GABBR2: variants seen among roughly 807,000 people sequenced by gnomAD.
GABBR2 encodes gamma-aminobutyric acid type B receptor subunit 2, also known as G-protein coupled receptor 51.
In GABBR2, 23 loss-of-function variants were observed where a neutral mutation model predicts 105.6. The observed-to-expected ratio is 0.22, with a 90% CI of 0.16 to 0.31. The LOEUF (loss-of-function observed/expected upper bound fraction) is 0.31, where lower values mean the gene tolerates loss of function less well. Among genes scored for constraint, GABBR2 ranks in the 10% least tolerant of loss-of-function variants. The pLI is 1.00. For synonymous variants in GABBR2, 478 were observed against 499.7 expected, an observed-to-expected ratio of 0.96 and a Z score of 0.58; for missense variants, 734 against 1,245.5, an observed-to-expected ratio of 0.59 and a Z score of 6.18.
At chr9:98,401,897 C>T (rs1008094577) in intron 8 of GABBR2, among the ~76,000 whole-genome samples, 4 of 152,152 alleles carry the variant, frequency 2.6e-5, no homozygotes, top group African/African-American at 4.8e-5. Context: ...CTTGGTAAAG[C>T]GCCTGGCAGA....
At chr9:98,422,421 G>A (rs1233414757) in intron 7 of GABBR2, among the ~76,000 whole-genome samples, 1 of 151,968 alleles carries the variant, frequency 6.6e-6, no homozygotes, top group Non-Finnish European at 1.5e-5. Flanking sequence ...TATACTCTTT[G>A]ACCCAGAATT....
intron 2 of GABBR2, among the ~76,000 whole-genome samples, chr9:98,550,803 T>C (rs1424871181): frequency 6.6e-6 from 1 of 152,204 alleles, no homozygotes; most frequent in Non-Finnish European, 1.5e-5. Flanking sequence ...TACAGATGCA[T>C]AAAGTCCCCT....
intron 7 of GABBR2, among the ~76,000 whole-genome samples, chr9:98,411,715 C>T (rs559545539): frequency 1.3e-5 from 2 of 152,230 alleles, no homozygotes; most frequent in South Asian, 4.2e-4. Flanking sequence ...GTGCTTGTCA[C>T]CACAACCAGC....
intron 7 of GABBR2, among the ~76,000 whole-genome samples, chr9:98,441,404 G>A (rs1049693953): frequency 4.6e-5 from 7 of 152,140 alleles, no homozygotes; most frequent in African/African-American, 1.7e-4. Flanking sequence ...GTCTCACTCT[G>A]TTGCCCAGGC....
intron 10 of GABBR2, among the ~76,000 whole-genome samples, chr9:98,386,025 T>C (rs1000725391): frequency 6.6e-6 from 1 of 152,128 alleles, no homozygotes; most frequent in African/African-American, 2.4e-5. Flanking sequence ...AAGCTCTGGT[T>C]TCCTCTACCC....
intron 7 of GABBR2, among the ~76,000 whole-genome samples, chr9:98,446,905 A>G (rs529534154): frequency 6.6e-6 from 1 of 152,260 alleles, no homozygotes; most frequent in African/African-American, 2.4e-5. Context: ...AACAGGCACA[A>G]TCAGGATAAT....
chr9:98,690,861 C>T (rs1830674598), intron 1 of GABBR2, among the ~76,000 whole-genome samples: 1 of 152,206 alleles, frequency 6.6e-6, no homozygotes. Flanking sequence ...GCCCATCAGC[C>T]AGAGGGACAG....
intron 1 of GABBR2, among the ~76,000 whole-genome samples, chr9:98,691,191 G>A (rs1830677333): frequency 6.6e-6 from 1 of 152,182 alleles, no homozygotes; most frequent in South Asian, 2.1e-4. Context: ...ACAAGGATGG[G>A]TCCCATTCCC....
rs1832042310 is a variant in GABBR2 at position 98,384,802 on chromosome 9, C to CT, written c.1662+837dup. On this transcript the variant is annotated intron_variant, in intron 11 of 18. Transcript: ENST00000259455. ...TTCTTGAATGTGAAGAAACATTACT[C>CT]TTTTTTACGTATAAACCATAGATAT... 7.2e-5 allele frequency among the ~76,000 whole-genome samples: 11 copies of CT among 152,000 alleles called. 1 individual carries two copies. In the South Asian group the frequency reaches 2.3e-3, roughly 31 times the overall value.
At chr9:98,402,831 C>T (rs759978016) in intron 8 of GABBR2, among the ~76,000 whole-genome samples, 8 of 152,110 alleles carry the variant, frequency 5.3e-5, no homozygotes, top group South Asian at 2.1e-4. Flanking sequence ...ACAGCTTGGA[C>T]GGCCTATTCA....
chr9:98,415,938 G>A (rs1028892622), intron 7 of GABBR2, among the ~76,000 whole-genome samples: 4 of 152,164 alleles, frequency 2.6e-5, no homozygotes, highest in African/African-American at 7.2e-5. Context: ...TAAGTACCAC[G>A]TGACCTTGGG....
intron 6 of GABBR2, among the ~76,000 whole-genome samples, chr9:98,463,918 A>G (rs1487694596): frequency 1.3e-5 from 2 of 152,032 alleles, no homozygotes; most frequent in Non-Finnish European, 2.9e-5. Flanking sequence ...TTGCAGATGG[A>G]GTCTCGCTCA....
At chr9:98,366,365 G>A (rs1480208465) in intron 12 of GABBR2, among the ~76,000 whole-genome samples, 1 of 152,072 alleles carries the variant, frequency 6.6e-6, no homozygotes, top group African/African-American at 2.4e-5. Flanking sequence ...TTACAAGGAG[G>A]GTAAGGTAGA....
chr9:98,663,268 G>A (rs949750748), intron 1 of GABBR2, among the ~76,000 whole-genome samples: 4 of 151,162 alleles, frequency 2.6e-5, no homozygotes, highest in Non-Finnish European at 4.4e-5. Context: ...GGTGGGGTGG[G>A]GTGGAGCAGA....
At chr9:98,559,743 T>C (rs1828638469) in intron 2 of GABBR2, among the ~76,000 whole-genome samples, 1 of 152,106 alleles carries the variant, frequency 6.6e-6, no homozygotes, top group Non-Finnish European at 1.5e-5. Context: ...GTGGCCAAGG[T>C]TATTCCAAGA....
chr9:98,645,605 A>G (rs1047340696), intron 1 of GABBR2, among the ~76,000 whole-genome samples: 1 of 152,126 alleles, frequency 6.6e-6, no homozygotes, highest in African/African-American at 2.4e-5. Flanking sequence ...CCCACCCCTA[A>G]GGTTCTGAAT....
intron 2 of GABBR2, among the ~76,000 whole-genome samples, chr9:98,567,716 C>G (rs1358889947): frequency 6.6e-6 from 1 of 152,206 alleles, no homozygotes; most frequent in African/African-American, 2.4e-5. Flanking sequence ...GGGATTACCT[C>G]CTTGATACTG....
chr9:98,679,936 A>G (rs769246041), intron 1 of GABBR2, among the ~76,000 whole-genome samples: 2 of 152,244 alleles, frequency 1.3e-5, no homozygotes, highest in African/African-American at 2.4e-5. Context: ...ACCTAAGCAT[A>G]AAAATACACA....
intron 13 of GABBR2, among the ~76,000 whole-genome samples, chr9:98,340,182 G>GTTTTT (rs1564023658): frequency 6.7e-6 from 1 of 149,258 alleles, no homozygotes. Flanking sequence ...TCCAGTGAGG[G>GTTTTT]GTTTTTTTTT....
Sources: gnomAD v4.1 joint callset for allele counts (sites outside exome capture counted in the v4.1 genomes callset) on GRCh38, gnomAD v4.1.1 for gene constraint, MANE v1.5 for transcripts, NCBI Gene and HGNC (gene_info 2026-07-23, HGNC 2026-07-21) for gene names.